The following RGS6 variants were observed in gnomAD, a reference collection of about 807,000 sequenced individuals.
RGS6 encodes regulator of G protein signaling 6, also known as regulator of G-protein signaling 6.
In RGS6, 30 loss-of-function variants were observed where a neutral mutation model predicts 78.5. The ratio of observed to expected loss-of-function variants is 0.38; its 90% CI spans 0.29 to 0.52. The LOEUF (loss-of-function observed/expected upper bound fraction) is 0.52. Among genes scored for constraint, RGS6 ranks in the 20% least tolerant of loss-of-function variants. The pLI is 0.85. For synonymous variants in RGS6, 206 were observed against 206.0 expected (o/e 1.00, Z 0.00); for missense variants, 495 against 609.7 (o/e 0.81, Z 1.98).
intron 3 of RGS6, among the ~76,000 whole-genome samples, chr14:72,356,359 CTTTACCT>C (rs1243387708): frequency 6.6e-6 from 1 of 152,152 alleles, no homozygotes; most frequent in African/African-American, 2.4e-5. Context: ...CTTTTTTCCC[CTTTACCT>C]TCTGCCAGGA....
intron 3 of RGS6, among the ~76,000 whole-genome samples, chr14:72,387,287 C>T (rs1390669158): frequency 6.6e-6 from 1 of 152,112 alleles, no homozygotes; most frequent in African/African-American, 2.4e-5. Flanking sequence ...CGGTGGCTGG[C>T]GCGCCTAATC....
downstream of RGS6, among the ~76,000 whole-genome samples, chr14:72,568,406 T>A (rs2097716490): frequency 6.6e-6 from 1 of 152,110 alleles, no homozygotes; most frequent in Non-Finnish European, 1.5e-5. Context: ...TGTTTGCAAA[T>A]CCCTGCCAGA....
At chr14:72,263,555 A>G (rs1302641087) in intron 2 of RGS6, among the ~76,000 whole-genome samples, 2 of 152,186 alleles carry the variant, frequency 1.3e-5, no homozygotes, top group Non-Finnish European at 1.5e-5. Flanking sequence ...CCTAGCCCCC[A>G]AAGTACTAGT....
the RGS6 span, among the ~76,000 whole-genome samples, chr14:72,614,567 G>T: frequency 1.3e-5 from 2 of 151,984 alleles, no homozygotes; most frequent in Non-Finnish European, 2.9e-5. Flanking sequence ...CCCCAAGGCT[G>T]CAGGCATGAT....
the RGS6 span, among the ~76,000 whole-genome samples, chr14:71,912,939 C>A: frequency 6.6e-6 from 1 of 152,040 alleles, no homozygotes; most frequent in African/African-American, 2.4e-5. Context: ...CATTCTCCTG[C>A]CTCAGCCTCC....
At chr14:72,622,454 A>G in the RGS6 span, among the ~76,000 whole-genome samples, 2 of 152,184 alleles carry the variant, frequency 1.3e-5, no homozygotes, top group African/African-American at 4.8e-5. Flanking sequence ...ACAAGTTAGG[A>G]TGGAGACAGA....
intron 12 of RGS6, among the ~76,000 whole-genome samples, chr14:72,483,585 TA>T (rs1228331609): frequency 6.6e-6 from 1 of 152,118 alleles, no homozygotes. Context: ...TTTGGGAACT[TA>T]ATGTCTAATT....
chr14:72,480,782 T>A (rs1259247983), intron 12 of RGS6, among the ~76,000 whole-genome samples: 1 of 152,068 alleles, frequency 6.6e-6, no homozygotes, highest in Non-Finnish European at 1.5e-5. Context: ...CACATCCCCA[T>A]CCTGATCTGG....
At chr14:72,074,659 A>G (rs1417172191) in intron 2 of RGS6, among the ~76,000 whole-genome samples, 4 of 151,286 alleles carry the variant, frequency 2.6e-5, no homozygotes, top group African/African-American at 9.7e-5. Flanking sequence ...CCGAGCATCT[A>G]CATGCTCAAT....
At chr14:72,443,186 C>G (rs111641879) in intron 3 of RGS6, among the ~76,000 whole-genome samples, 1 of 152,192 alleles carries the variant, frequency 6.6e-6, no homozygotes, top group African/African-American at 2.4e-5. Flanking sequence ...TCAGAGACTG[C>G]TAAATGTCTT....
the RGS6 span, among the ~76,000 whole-genome samples, chr14:71,911,826 A>G: frequency 0.033 from 5,060 of 152,292 alleles, 305 homozygotes; most frequent in African/African-American, 0.11. Flanking sequence ...CACTGGAGGA[A>G]GAGAAGGGTG....
In RGS6 at chr14:72,554,945, TG is replaced by T. The variant is rs924252963; in HGVS notation, c.1423-7466del. Among the ~76,000 whole-genome samples the T allele has an allele frequency of 2.6e-4, 40 of 152,246 alleles. 1 individual carries two copies. Among genetic ancestry groups the T allele is most frequent in the African/African-American group, 7.0e-4 (29 of 41,538 alleles). On this transcript the variant is annotated intron_variant, in intron 17 of 17. Transcript: ENST00000553525. ...AGCTCCGGATTTGTCCCTGCACAGC[TG>T]GGGGGCCATGGAGAAAGGTCCCCCA... is the stretch of plus-strand genomic sequence containing the variant.
intron 2 of RGS6, among the ~76,000 whole-genome samples, chr14:72,069,033 G>T (rs988834820): frequency 3.3e-5 from 5 of 151,712 alleles, no homozygotes; most frequent in African/African-American, 1.2e-4. Flanking sequence ...GTGCAGTGGC[G>T]CAATCTTGGC....
At chr14:72,518,301 TC>T in intron 14 of RGS6, 49 bp from the exon 15 acceptor site, 1 of 1,569,720 alleles carries the variant, frequency 6.4e-7, no homozygotes, top group Non-Finnish European at 8.7e-7. Flanking sequence ...TCAGGCAACA[TC>T]CCGATGCTGA....
At chr14:71,983,039 C>T (rs1327593276) in intron 2 of RGS6, among the ~76,000 whole-genome samples, 1 of 152,112 alleles carries the variant, frequency 6.6e-6, no homozygotes, top group African/African-American at 2.4e-5. Context: ...AAAAGTGAAA[C>T]TTCCAGTATA....
intron 2 of RGS6, among the ~76,000 whole-genome samples, chr14:72,245,963 T>C (rs1006001412): frequency 6.6e-6 from 1 of 152,210 alleles, no homozygotes; most frequent in Non-Finnish European, 1.5e-5. Context: ...AGGGTACCTT[T>C]CACATGATCT....
intron 3 of RGS6, among the ~76,000 whole-genome samples, chr14:72,429,562 G>A (rs2094548065): frequency 6.6e-6 from 1 of 152,106 alleles, no homozygotes; most frequent in African/African-American, 2.4e-5. Context: ...GGGGGAATGG[G>A]AATTTGAGGA....
At chr14:72,016,037 C>CA (rs1202210534) in intron 2 of RGS6, among the ~76,000 whole-genome samples, 1 of 152,190 alleles carries the variant, frequency 6.6e-6, no homozygotes, top group Non-Finnish European at 1.5e-5. Context: ...TCTAATTAAA[C>CA]AGCCGTGCTA....
intron 3 of RGS6, among the ~76,000 whole-genome samples, chr14:72,402,870 C>G (rs1453291825): frequency 3.8e-5 from 5 of 129,998 alleles, no homozygotes; most frequent in South Asian, 5.3e-4. Context: ...GATCTTGGCT[C>G]ACTGCAACCT....
Sources: allele counts gnomAD v4.1 joint callset (sites outside exome capture counted in the v4.1 genomes callset), GRCh38; gene constraint gnomAD v4.1.1; transcripts MANE v1.5; gene names NCBI Gene and HGNC (gene_info 2026-07-23, HGNC 2026-07-21).